WDR3: variants seen among roughly 807,000 people sequenced by gnomAD.
WDR3 encodes WD repeat-containing protein 3.
In WDR3, 81 loss-of-function variants were observed where a neutral mutation model predicts 123.7. That is an observed-to-expected ratio of 0.65 (90% CI 0.55 to 0.79). The LOEUF is 0.79. Ranked by LOEUF, WDR3 falls within the 30% of genes least tolerant of loss-of-function variation. The probability of loss-of-function intolerance (pLI) is 0.00; values close to 1 mark genes in which losing one functional copy is unlikely to be tolerated. For synonymous variants in WDR3, 390 were observed against 388.8 expected (o/e 1.00, Z -0.04); for missense variants, 1,027 against 1,123.2 (o/e 0.91, Z 1.22).
intron 12 of WDR3, among the ~76,000 whole-genome samples, chr1:117,947,685 T>A (rs1651455823): frequency 6.6e-6 from 1 of 152,214 alleles, no homozygotes; most frequent in African/African-American, 2.4e-5. Flanking sequence ...AAAAACTAGG[T>A]TCATGGGGAT....
chr1:117,938,424 C>G (rs1297540405), intron 4 of WDR3, 56 bp from the exon 5 acceptor site: 1 of 1,432,890 alleles, frequency 7.0e-7, no homozygotes, highest in Non-Finnish European at 9.8e-7. Context: ...TCTCCCTATT[C>G]GTTGAATGAG....
Position 117,936,907 on chromosome 1 carries a change from A to G in WDR3, c.500+20A>G, listed in dbSNP as rs1484985797. ...TACTAGGTAAAGAAATAATGGTTTA[A>G]TTTCCAGTTATTTTCTAGGAAGAGA... On this transcript the variant is annotated intron_variant, in intron 4 of 26. Transcript: ENST00000349139. The G allele has an allele frequency of 6.3e-7, 1 of 1,588,198 alleles. No individual in the cohort carries two copies. The highest frequency in any genetic ancestry group is 1.1e-5 in the South Asian group (1 of 89,640).
chr1:117,954,100 G>GT lies in WDR3; in HGVS notation c.2361+2dup. ...CATTTGTAAAGCTGCAGGGAAAGAG[G>GT]TAATAAGAGAGTACAGTAAGTTACA... On this transcript the variant is annotated splice_donor_variant, in intron 22 of 26. Transcript: ENST00000349139. LOFTEE classifies it high-confidence loss of function. 6.2e-7 allele frequency: 1 copy of GT among 1,610,660 alleles called. No individual in the cohort carries two copies.
intron 25 of WDR3, among the ~76,000 whole-genome samples, chr1:117,958,142 C>G (rs1031835721): frequency 2.0e-5 from 3 of 152,086 alleles, no homozygotes; most frequent in African/African-American, 7.2e-5. Context: ...CAGCCAATGC[C>G]AAATAGTTAA....
rs1170483736 is a variant in WDR3, at chr1:117,961,362, T to C, written c.*1915T>C. The stretch of plus-strand genomic sequence containing the variant: ...AACCCATGTTCAACGGATTGTCTAC[T>C]GTATATCTTCATGGTAAGGATTTGG... On this transcript the variant is annotated 3_prime_UTR_variant, in exon 27 of 27. Coordinates refer to ENST00000349139, the MANE Select transcript of WDR3 (RefSeq NM_006784.3). 6.6e-6 allele frequency: 1 copy of C among 152,192 alleles called. No individual in the cohort carries two copies. The highest frequency in any genetic ancestry group is 2.4e-5 in the African/African-American group (1 of 41,450). The allele number at this position is 152,192 out of a possible 1,614,324, so 9.4% of individuals were successfully genotyped here. A position where few individuals can be genotyped will look rare whatever the true frequency, so the allele number is the denominator to read the frequency against.
chr1:117,950,917 AAT>A, intron 16 of WDR3, 27 bp downstream of exon 16: 1 of 1,578,222 alleles, frequency 6.3e-7, no homozygotes, highest in Non-Finnish European at 8.6e-7. Context: ...GTGTCTCAGT[AAT>A]ATGTTGTCTT....
At chr1:117,953,053 A>G (rs1483769638) in intron 20 of WDR3, 57 bp downstream of exon 20, 5 of 1,562,082 alleles carry the variant, frequency 3.2e-6, no homozygotes, top group Non-Finnish European at 4.4e-6. Context: ...TCTTATTGAA[A>G]TTGACTATAA....
intron 15 of WDR3, among the ~76,000 whole-genome samples, chr1:117,950,442 A>G (rs1651568831): frequency 6.6e-6 from 1 of 152,154 alleles, no homozygotes; most frequent in Admixed American, 6.6e-5. Flanking sequence ...ACACTTGGCT[A>G]TATATTAGGA....
In WDR3 at chr1:117,950,049, C is replaced by T. The variant is rs1451362353; in HGVS notation, c.1665C>T (p.Val555=). The T allele has an allele frequency of 6.2e-7, 1 of 1,613,912 alleles. No individual in the cohort carries two copies. The highest frequency in any genetic ancestry group is 8.5e-7 in the Non-Finnish European group (1 of 1,179,914). ...TLQLDEDVLC[V]SYSPNQKLLA... is the part of the protein sequence containing the mutation. ...AACTAGATGAAGATGTTCTGTGTGT[C>T]AGTTACTCTCCCAATCAAAAGCTAT... The change falls in exon 15 of 27, where the codon GTC becomes GTT. Residue 555 remains valine (V), a synonymous_variant. Transcript: ENST00000349139.
chr1:117,955,498 A>G, intron 24 of WDR3, 140 bp downstream of exon 24: 1 of 752,484 alleles, frequency 1.3e-6, no homozygotes, highest in Non-Finnish European at 2.0e-6. Flanking sequence ...ATGGAAAATA[A>G]TTTATAATGT....
At chr1:117,939,082 G>A (rs78670791) in intron 5 of WDR3, among the ~76,000 whole-genome samples, 2,893 of 152,116 alleles carry the variant, frequency 0.019, 80 homozygotes, top group South Asian at 0.12. Context: ...TTTAATTCCC[G>A]GATACTTGAA....
intron 22 of WDR3, 125 bp from the exon 23 acceptor site, chr1:117,954,455 G>T: frequency 1.1e-6 from 1 of 872,266 alleles, no homozygotes; most frequent in Non-Finnish European, 1.8e-6. Flanking sequence ...TTTACACTCT[G>T]TCAGTTTTTT....
At chr1:117,959,198 A>G in intron 26 of WDR3, 94 bp from the exon 27 acceptor site, 1 of 1,467,008 alleles carries the variant, frequency 6.8e-7, no homozygotes, top group Non-Finnish European at 9.2e-7. Context: ...ATAAGTAACA[A>G]CACCTGAAGC....
chr1:117,963,912 T>C lies in WDR3; in HGVS notation c.*4465T>C. On this transcript the variant is annotated 3_prime_UTR_variant, in exon 27 of 27. Coordinates refer to ENST00000349139, the MANE Select transcript of WDR3 (RefSeq NM_006784.3). Reference sequence around the variant, plus strand: ...CCCTGGGGAAAGTCTTTTGGTCGTTTATCATAATTGCTGCTTGTTAAAACA... The same window carrying C: ...CCCTGGGGAAAGTCTTTTGGTCGTTCATCATAATTGCTGCTTGTTAAAACA... 1 of 1,614,036 alleles carries C rather than the reference T, an allele frequency of 6.2e-7. No individual in the cohort carries two copies. The highest frequency in any genetic ancestry group is 1.7e-5 in the Admixed American group (1 of 60,018).
At chr1:117,945,989 G>T in intron 11 of WDR3, 97 bp from the exon 12 acceptor site, 1 of 726,008 alleles carries the variant, frequency 1.4e-6, no homozygotes, top group Non-Finnish European at 2.1e-6. Flanking sequence ...CTTCTTTTAT[G>T]TTGATCTGTC....
intron 4 of WDR3, among the ~76,000 whole-genome samples, chr1:117,937,171 A>G (rs1650971177): frequency 1.3e-5 from 2 of 152,118 alleles, no homozygotes; most frequent in Non-Finnish European, 2.9e-5. Flanking sequence ...AGCTTTGTCT[A>G]CCTTCTAGAT....
intron 1 of WDR3, among the ~76,000 whole-genome samples, chr1:117,931,473 G>A (rs986679919): frequency 2.0e-5 from 3 of 152,166 alleles, no homozygotes; most frequent in African/African-American, 7.2e-5. Context: ...AGTGTCAGAA[G>A]AAAAGAGAGG....
rs1651556713 is a variant in WDR3, at chr1:117,950,121, T to C, written c.1737T>C (p.Asp579=). 2 of 1,613,772 alleles carry C rather than the reference T, an allele frequency of 1.2e-6. No homozygotes were observed. The highest frequency in any genetic ancestry group is 2.2e-5 in the East Asian group (1 of 44,884). Residue 579 remains aspartate (D), a synonymous_variant, in exon 15 of 27, where the codon GAT becomes GAC. Coordinates refer to ENST00000349139, the MANE Select transcript of WDR3 (RefSeq NM_006784.3). ...LDCTVKIFYV[D]TLKFFLSLYG... Reference sequence around the variant, plus strand: ...GTACTGTGAAAATTTTCTACGTTGATACTTTAAAGGTACAGTGGTTATGCC... The same window carrying C: ...GTACTGTGAAAATTTTCTACGTTGACACTTTAAAGGTACAGTGGTTATGCC...
intron 9 of WDR3, 59 bp downstream of exon 9, chr1:117,941,906 TG>T (rs1399777371): frequency 6.7e-7 from 1 of 1,497,764 alleles, no homozygotes; most frequent in Non-Finnish European, 8.8e-7. Context: ...CCCATGTTAC[TG>T]AAAAAAAACT....
Sources: allele counts gnomAD v4.1 joint callset (sites outside exome capture counted in the v4.1 genomes callset), GRCh38; gene constraint gnomAD v4.1.1; transcripts MANE v1.5; gene names NCBI Gene and HGNC (gene_info 2026-07-23, HGNC 2026-07-21).